NIPSNAP3A: variants seen among roughly 807,000 people sequenced by gnomAD.
NIPSNAP3A encodes the protein protein NipSnap homolog 3A.
NIPSNAP3A carries 27 observed loss-of-function variants against 32.3 expected under a neutral mutation model. That is an observed-to-expected ratio of 0.84 (90% CI 0.62 to 1.15). NIPSNAP3A has a LOEUF of 1.15. NIPSNAP3A is among the 50% of genes most tolerant of loss of function. The pLI, the probability that NIPSNAP3A is intolerant of heterozygous loss-of-function variation, is 0.00. For synonymous variants in NIPSNAP3A, 108 were observed against 107.3 expected (o/e 1.01, Z -0.04); for missense variants, 278 against 297.2 (o/e 0.94, Z 0.48).
intron 4 of NIPSNAP3A, among the ~76,000 whole-genome samples, chr9:104,757,125 A>C (rs1564053115): frequency 6.6e-6 from 1 of 152,124 alleles, no homozygotes; most frequent in Non-Finnish European, 1.5e-5. Context: ...TGCACATATT[A>C]AGTTTTATTT....
At chr9:104,756,814 CTTT>C (rs34247948) in intron 4 of NIPSNAP3A, among the ~76,000 whole-genome samples, 4 of 114,274 alleles carry the variant, frequency 3.5e-5, no homozygotes, top group Admixed American at 9.5e-5. Context: ...TGTTAATATT[CTTT>C]TTTTTTTTTT....
At position 104,747,684 on chromosome 9, in the gene NIPSNAP3A, G is replaced by A; in HGVS notation, c.-109G>A. 1 of 1,176,454 alleles carries A rather than the reference G, an allele frequency of 8.5e-7. No individual in the cohort carries two copies. The highest frequency in any genetic ancestry group is 1.2e-6 in the Non-Finnish European group (1 of 811,820). The allele number at this position is 1,176,454 out of a possible 1,614,324, so 72.9% of individuals were successfully genotyped here. A position where few individuals can be genotyped will look rare whatever the true frequency, so the allele number is the denominator to read the frequency against. On this transcript the variant is annotated 5_prime_UTR_variant, in exon 1 of 6. Coordinates refer to ENST00000374767, the MANE Select transcript of NIPSNAP3A (RefSeq NM_015469.3). ...GCTGACCCCGCCGAGCCCCGCCCCA[G>A]CCTGCGTCTGCCAATGATCCAGGAG...
rs1564053938 is a variant in NIPSNAP3A at position 104,759,755 on chromosome 9, G to T, written c.*417G>T. On this transcript the variant is annotated 3_prime_UTR_variant, in exon 6 of 6. Coordinates refer to ENST00000374767, the MANE Select transcript of NIPSNAP3A (RefSeq NM_015469.3). Reference sequence around the variant, plus strand: ...CCTTTCCATCATGTCTGTTTTCCTGGTTTTTTTTGGTTGTTTTTTGACCAG... The same window carrying T: ...CCTTTCCATCATGTCTGTTTTCCTGTTTTTTTTTGGTTGTTTTTTGACCAG... 1.3e-5 allele frequency: 2 copies of T among 157,286 alleles called. No homozygotes were observed. The highest frequency in any genetic ancestry group is 2.8e-5 in the Non-Finnish European group (2 of 71,422). 9.7% of individuals were successfully genotyped at this position (157,286 alleles called of 1,614,324 possible).
At chr9:104,752,867 T>TTGAA in intron 2 of NIPSNAP3A, 39 bp from the exon 3 acceptor site, 1 of 1,560,670 alleles carries the variant, frequency 6.4e-7, no homozygotes, top group Non-Finnish European at 8.8e-7. Context: ...TGATTTAAAA[T>TTGAA]TGAATTTTTT....
chr9:104,750,859 C>G lies in NIPSNAP3A; in HGVS notation c.61-97C>G, dbSNP rs147321107. The G allele has an allele frequency of 1.7e-4, 159 of 929,828 alleles. No homozygotes were observed. In the East Asian group the frequency reaches 3.7e-3, roughly 22 times the overall value. The allele number at this position is 929,828 out of a possible 1,614,324, so 57.6% of individuals were successfully genotyped here. On this transcript the variant is annotated intron_variant, in intron 1 of 5. Transcript: ENST00000374767. ...AGAAGTACAAACATGAGTAATGAGT[C>G]TATGAGTGTCCCTTGTACCAGATTC...
rs752771160 is a variant in NIPSNAP3A at position 104,751,182 on chromosome 9, A to G, written c.271+16A>G. The G allele has an allele frequency of 5.0e-6, 8 of 1,606,834 alleles. No homozygotes were observed. The East Asian group carries it at 1.6e-4, about 31-fold the overall frequency. ...TGGAAGTATGGTAAAGAGTCATCCA[A>G]TTTTGGCTTTCAGTATAGATTTTCA... On this transcript the variant is annotated intron_variant, in intron 2 of 5. Coordinates refer to ENST00000374767, the MANE Select transcript of NIPSNAP3A (RefSeq NM_015469.3).
Position 104,759,781 on chromosome 9 carries a change from T to C in NIPSNAP3A, c.*443T>C, listed in dbSNP as rs867431261. The C allele has an allele frequency of 9.5e-5, 15 of 158,296 alleles. No homozygotes were observed. The highest frequency in any genetic ancestry group is 3.4e-3 in the Middle Eastern group (1 of 298). The allele number at this position is 158,296 out of a possible 1,614,324, so 9.8% of individuals were successfully genotyped here. A position where few individuals can be genotyped will look rare whatever the true frequency, so the allele number is the denominator to read the frequency against. On this transcript the variant is annotated 3_prime_UTR_variant, in exon 6 of 6. Coordinates refer to ENST00000374767, the MANE Select transcript of NIPSNAP3A (RefSeq NM_015469.3). Reference sequence around the variant, plus strand: ...TTTTTTTTGGTTGTTTTTTGACCAGTAAAATTTATTTTGTAATACCAAATA... The same window carrying C: ...TTTTTTTTGGTTGTTTTTTGACCAGCAAAATTTATTTTGTAATACCAAATA...
chr9:104,748,343 G>A (rs1449902587), intron 1 of NIPSNAP3A, among the ~76,000 whole-genome samples: 1 of 152,110 alleles, frequency 6.6e-6, no homozygotes, highest in East Asian at 1.9e-4. Context: ...CCTTTTAAAT[G>A]AAGCACACAA....
At chr9:104,756,847 GCT>G (rs1827912272) in intron 4 of NIPSNAP3A, among the ~76,000 whole-genome samples, 1 of 135,824 alleles carries the variant, frequency 7.4e-6, no homozygotes, top group Admixed American at 8.4e-5. Flanking sequence ...ATGGAGCCTC[GCT>G]CTGTGGAGTG....
At chr9:104,756,062 T>A (rs1055754936) in intron 4 of NIPSNAP3A, among the ~76,000 whole-genome samples, 28 of 152,228 alleles carry the variant, frequency 1.8e-4, no homozygotes, top group Admixed American at 1.4e-3. Context: ...CCCATCTTTA[T>A]GCAGAAATTC....
chr9:104,749,042 A>C (rs1827815134), intron 1 of NIPSNAP3A, among the ~76,000 whole-genome samples: 1 of 152,040 alleles, frequency 6.6e-6, no homozygotes, highest in Non-Finnish European at 1.5e-5. Context: ...TCCCTCTCTC[A>C]CTGTAGGTTC....
At position 104,750,588 on chromosome 9, in the gene NIPSNAP3A, C is replaced by T. The variant is rs78960463; in HGVS notation, c.61-368C>T. ...TTACTTCATCCTCTTCATTTATATACGGCTTACACCACATAGCCAATGGGA... is the reference window on the plus strand; with the variant it reads ...TTACTTCATCCTCTTCATTTATATATGGCTTACACCACATAGCCAATGGGA... On this transcript the variant is annotated intron_variant, in intron 1 of 5. Transcript: ENST00000374767. 0.011 allele frequency among the ~76,000 whole-genome samples: 1,620 copies of T among 152,280 alleles called. 117 individuals carry two copies. In the East Asian group the frequency reaches 0.22, roughly 21 times the overall value.
chr9:104,754,575 A>G lies in NIPSNAP3A; in HGVS notation c.455A>G (p.Gln152Arg). The stretch of plus-strand genomic sequence containing the variant: ...GGAGTCTATGAACTGGCCACTTTTC[A>G]GATGAAACCTGGTGGGCCAGCTCTG... ...KEGVYELATF[Q>R]MKPGGPALWG... Residue 152 changes from glutamine (Q) to arginine (R), a missense_variant, in exon 4 of 6, where the codon CAG (glutamine) becomes CGG (arginine). Transcript: ENST00000374767. The G allele has an allele frequency of 1.2e-6, 2 of 1,614,094 alleles. No homozygotes were observed. Among genetic ancestry groups the G allele is most frequent in the Non-Finnish European group, 1.7e-6 (2 of 1,180,004 alleles).
At chr9:104,748,901 C>A (rs999563810) in intron 1 of NIPSNAP3A, among the ~76,000 whole-genome samples, 1 of 152,112 alleles carries the variant, frequency 6.6e-6, no homozygotes, top group Admixed American at 6.5e-5. Context: ...GGAGGATGGA[C>A]GACTCATGAT....
chr9:104,759,779 A>T lies in NIPSNAP3A; in HGVS notation c.*441A>T, dbSNP rs970251869. 6.3e-6 allele frequency: 1 copy of T among 158,174 alleles called. No individual in the cohort carries two copies. The highest frequency in any genetic ancestry group is 1.4e-5 in the Non-Finnish European group (1 of 71,652). The allele number at this position is 158,174 out of a possible 1,614,324, so 9.8% of individuals were successfully genotyped here. A position where few individuals can be genotyped will look rare whatever the true frequency, so the allele number is the denominator to read the frequency against. On this transcript the variant is annotated 3_prime_UTR_variant, in exon 6 of 6. Transcript: ENST00000374767. ...GGTTTTTTTTGGTTGTTTTTTGACC[A>T]GTAAAATTTATTTTGTAATACCAAA...
At chr9:104,757,358 C>A (rs1827918424) in intron 4 of NIPSNAP3A, among the ~76,000 whole-genome samples, 2 of 151,952 alleles carry the variant, frequency 1.3e-5, no homozygotes, top group African/African-American at 2.4e-5. Flanking sequence ...GGTTTGAATC[C>A]CAGGTACACT....
intron 3 of NIPSNAP3A, 123 bp downstream of exon 3, chr9:104,753,187 C>T: frequency 2.5e-6 from 2 of 796,808 alleles, no homozygotes; most frequent in Non-Finnish European, 4.2e-6. Flanking sequence ...TAGAAACATA[C>T]AGTGATTGTT....
intron 4 of NIPSNAP3A, 152 bp downstream of exon 4, chr9:104,754,852 T>C (rs1244565583): frequency 1.6e-6 from 1 of 642,432 alleles, no homozygotes; most frequent in Non-Finnish European, 2.7e-6. Flanking sequence ...AAAATCTGTT[T>C]TACATCTTAT....
intron 3 of NIPSNAP3A, among the ~76,000 whole-genome samples, 181 bp downstream of exon 3, chr9:104,753,245 G>A (rs143596644): frequency 0.011 from 1,698 of 152,160 alleles, 29 homozygotes; most frequent in African/African-American, 0.039. Flanking sequence ...AAAAAAATGA[G>A]CATAAAATAA....
Sources: allele counts gnomAD v4.1 joint callset (sites outside exome capture counted in the v4.1 genomes callset), GRCh38; gene constraint gnomAD v4.1.1; transcripts MANE v1.5; gene names NCBI Gene and HGNC (gene_info 2026-07-23, HGNC 2026-07-21).